The following ITGB3BP variants were observed in gnomAD, a reference collection of about 807,000 sequenced individuals.
ITGB3BP encodes integrin subunit beta 3 binding protein.
Under a neutral mutation model 29.1 loss-of-function variants are expected in ITGB3BP, and 27 were observed. The ratio of observed to expected loss-of-function variants is 0.93; its 90% CI spans 0.68 to 1.28. ITGB3BP has a LOEUF of 1.28. ITGB3BP is among the 50% of genes most tolerant of loss of function. ITGB3BP has a pLI of 0.00. For missense variants in ITGB3BP, 192 were observed against 200.2 expected, an observed-to-expected ratio of 0.96 and a Z score of 0.25; for synonymous variants, 61 against 61.4, an observed-to-expected ratio of 0.99 and a Z score of 0.03.
chr1:63,491,743 T>C (rs1437802080), intron 2 of ITGB3BP, among the ~76,000 whole-genome samples: 2 of 152,198 alleles, frequency 1.3e-5, no homozygotes, highest in African/African-American at 2.4e-5. Context: ...ATGAAAGGCA[T>C]TGTTTATTTT....
Position 63,454,096 on chromosome 1 carries a change from A to G in ITGB3BP, c.428-122T>C, listed in dbSNP as rs976053396. On this transcript the variant is annotated intron_variant, in intron 6 of 8. Coordinates refer to ENST00000271002, the MANE Select transcript of ITGB3BP (RefSeq NM_014288.5). The surrounding 1 kb of genome is among the most constrained non-coding windows in gnomAD (Gnocchi z 4.1). ...AAAATAATACATATTTATAAGTACC[A>G]AATATAAAATATAATACCTTATTAT... 1.8e-6 allele frequency: 1 copy of G among 545,454 alleles called. No homozygotes were observed. Among genetic ancestry groups the G allele is most frequent in the Non-Finnish European group, 3.2e-6 (1 of 315,092 alleles). The allele number at this position is 545,454 out of a possible 1,614,324, so 33.8% of individuals were successfully genotyped here. A position where few individuals can be genotyped will look rare whatever the true frequency, so the allele number is the denominator to read the frequency against.
At chr1:63,478,867 T>A in intron 3 of ITGB3BP, 34 bp from the exon 4 acceptor site, 1 of 754,336 alleles carries the variant, frequency 1.3e-6, no homozygotes, top group Middle Eastern at 2.6e-4. Context: ...GGACATAAAG[T>A]TAAAGGAGAA....
At chr1:63,464,188 C>T (rs1271412365) in intron 4 of ITGB3BP, among the ~76,000 whole-genome samples, 3 of 152,146 alleles carry the variant, frequency 2.0e-5, no homozygotes, top group South Asian at 2.1e-4. Flanking sequence ...GTAAAATTCA[C>T]GAACAAGAAA....
chr1:63,493,417 A>AAAAAAACAAAC (rs772296033), intron 2 of ITGB3BP, among the ~76,000 whole-genome samples: 3 of 145,474 alleles, frequency 2.1e-5, no homozygotes, highest in African/African-American at 7.5e-5. Context: ...TCTGTCTCAA[A>AAAAAAACAAAC]AAACAAACAA....
At chr1:63,462,142 C>G (rs534433445) in intron 4 of ITGB3BP, among the ~76,000 whole-genome samples, 2 of 152,268 alleles carry the variant, frequency 1.3e-5, no homozygotes, top group Admixed American at 1.3e-4. Flanking sequence ...TTTAGATCTT[C>G]TTTAATTTCT....
intron 4 of ITGB3BP, among the ~76,000 whole-genome samples, chr1:63,470,426 A>T (rs1440947873): frequency 4.6e-5 from 7 of 152,244 alleles, no homozygotes; most frequent in Non-Finnish European, 7.3e-5. Flanking sequence ...GAAAGAGAAC[A>T]CTGACAACAT....
intron 8 of ITGB3BP, among the ~76,000 whole-genome samples, chr1:63,445,749 C>G (rs1373894787): frequency 4.6e-5 from 7 of 152,000 alleles, no homozygotes; most frequent in Non-Finnish European, 8.8e-5. Context: ...CATGCGCCAC[C>G]ATACCCAGCT....
chr1:63,516,369 G>T (rs1332733791), intron 1 of ITGB3BP, among the ~76,000 whole-genome samples: 10 of 140,656 alleles, frequency 7.1e-5, no homozygotes, highest in South Asian at 2.5e-4. Context: ...GGGGAGAAGG[G>T]GGGGGGAAGG....
intron 4 of ITGB3BP, among the ~76,000 whole-genome samples, chr1:63,459,964 A>C (rs1644989701): frequency 6.6e-6 from 1 of 152,048 alleles, no homozygotes; most frequent in Non-Finnish European, 1.5e-5. Flanking sequence ...TTTTTCCTGA[A>C]GACTGATCAC....
At chr1:63,472,711 G>A (rs576321698) in intron 4 of ITGB3BP, among the ~76,000 whole-genome samples, 2 of 151,114 alleles carry the variant, frequency 1.3e-5, no homozygotes, top group Non-Finnish European at 3.0e-5. Flanking sequence ...TCCTAACCGC[G>A]AGTGATCCGC....
chr1:63,482,045 G>C (rs1216315537), intron 3 of ITGB3BP, among the ~76,000 whole-genome samples: 1 of 152,012 alleles, frequency 6.6e-6, no homozygotes, highest in Non-Finnish European at 1.5e-5. Flanking sequence ...GGCTGAGGCA[G>C]GTGGATTGCC....
intron 4 of ITGB3BP, among the ~76,000 whole-genome samples, chr1:63,461,839 C>T (rs1035668940): frequency 1.3e-4 from 20 of 152,218 alleles, no homozygotes; most frequent in Non-Finnish European, 2.4e-4. Flanking sequence ...CTACTGTTAA[C>T]GCCAGTGCCA....
intron 4 of ITGB3BP, among the ~76,000 whole-genome samples, chr1:63,460,051 T>C (rs898043060): frequency 3.9e-5 from 6 of 152,164 alleles, no homozygotes; most frequent in African/African-American, 1.4e-4. Context: ...TTAGCTCTAT[T>C]TATTTCATTA....
intron 4 of ITGB3BP, among the ~76,000 whole-genome samples, chr1:63,468,993 G>A (rs1243660945): frequency 6.6e-6 from 1 of 151,728 alleles, no homozygotes; most frequent in African/African-American, 2.4e-5. Context: ...GGAGGTTGCA[G>A]TGAACCAAGA....
In ITGB3BP at chr1:63,454,239, G is replaced by A. The variant is rs1644901372; in HGVS notation, c.427+141C>T. 2.0e-6 allele frequency: 1 copy of A among 503,438 alleles called. No homozygotes were observed. Among genetic ancestry groups the A allele is most frequent in the East Asian group, 3.2e-5 (1 of 31,566 alleles). The allele number at this position is 503,438 out of a possible 1,614,324, so 31.2% of individuals were successfully genotyped here. On this transcript the variant is annotated intron_variant, in intron 6 of 8. Transcript: ENST00000271002. The surrounding 1 kb of genome is among the most constrained non-coding windows in gnomAD (Gnocchi z 4.1). ...AACACATCCTGATAAAAGACATGTG[G>A]CTTCTTATTTAAAGAAGGTAATAGT...
intron 8 of ITGB3BP, among the ~76,000 whole-genome samples, chr1:63,443,885 G>A (rs903019521): frequency 3.0e-5 from 2 of 66,798 alleles, no homozygotes; most frequent in African/African-American, 9.6e-5. Context: ...GTATACTTGG[G>A]GGACATTGTA....
At chr1:63,455,460 A>G (rs1454690700) in intron 4 of ITGB3BP, among the ~76,000 whole-genome samples, 2 of 151,626 alleles carry the variant, frequency 1.3e-5, no homozygotes, top group East Asian at 3.9e-4. Flanking sequence ...TCCTTTTTAT[A>G]AAGAAATGGG....
intron 2 of ITGB3BP, among the ~76,000 whole-genome samples, chr1:63,493,035 CA>C (rs1645689720): frequency 6.6e-6 from 1 of 151,458 alleles, no homozygotes; most frequent in Non-Finnish European, 1.5e-5. Context: ...CACTTAAACC[CA>C]GGAAGTTGAG....
rs1368957348 is a variant in ITGB3BP at position 63,454,883 on chromosome 1, T to C, written c.333+7A>G. ...CAAACAGGGTAGAAGTATGAAAAAA[T>C]GCAAACCTGTATACTACTTAAATTT... On this transcript the variant is annotated splice_region_variant and intron_variant, in intron 5 of 8. Coordinates refer to ENST00000271002, the MANE Select transcript of ITGB3BP (RefSeq NM_014288.5). The surrounding 1 kb of genome is among the most constrained non-coding windows in gnomAD (Gnocchi z 4.1). The C allele has an allele frequency of 2.1e-6, 3 of 1,413,442 alleles. No homozygotes were observed. The East Asian group carries it at 6.8e-5, about 32-fold the overall frequency. The allele number at this position is 1,413,442 out of a possible 1,614,324, so 87.6% of individuals were successfully genotyped here. A position where few individuals can be genotyped will look rare whatever the true frequency, so the allele number is the denominator to read the frequency against.
Sources: allele counts gnomAD v4.1 joint callset (sites outside exome capture counted in the v4.1 genomes callset), GRCh38; gene constraint gnomAD v4.1.1; non-coding constraint Gnocchi (gnomAD v3.1); transcripts MANE v1.5; gene names NCBI Gene and HGNC (gene_info 2026-07-23, HGNC 2026-07-21).